Variants in DIP2C observed in about 807,000 individuals in gnomAD.
DIP2C encodes the protein disco-interacting protein 2 homolog C.
Under a neutral mutation model 192.4 loss-of-function variants are expected in DIP2C, and 33 were observed. The observed-to-expected ratio is 0.17, with a 90% CI of 0.13 to 0.23. DIP2C has a LOEUF of 0.23. Ranked by LOEUF, DIP2C falls within the 10% of genes least tolerant of loss-of-function variation. The probability of loss-of-function intolerance (pLI) is 1.00; values close to 1 mark genes in which losing one functional copy is unlikely to be tolerated. For missense variants in DIP2C, 1,537 were observed against 2,110.1 expected (o/e 0.73, Z 5.32); for synonymous variants, 979 against 864.1 (o/e 1.13, Z -2.33).
At chr10:286,789 G>A (rs1327817294) in intron 33 of DIP2C, among the ~76,000 whole-genome samples, 3 of 152,162 alleles carry the variant, frequency 2.0e-5, no homozygotes, top group African/African-American at 7.2e-5. Context: ...TCACATCATG[G>A]CACACACATG....
Position 348,588 on chromosome 10 carries a change from C to T in DIP2C, c.3231+53G>A, listed in dbSNP as rs1958634307. The stretch of plus-strand genomic sequence containing the variant: ...GATGTCAGAGTCTGCGCGTTGCAAG[C>T]TCCACACTCAGCTCCAGGCAGGTGG... On this transcript the variant is annotated intron_variant, in intron 26 of 36. Coordinates refer to ENST00000280886, the MANE Select transcript of DIP2C (RefSeq NM_014974.3). The T allele has an allele frequency of 3.1e-6, 5 of 1,592,024 alleles. No homozygotes were observed. The South Asian group carries it at 5.7e-5, about 18-fold the overall frequency.
intron 17 of DIP2C, among the ~76,000 whole-genome samples, chr10:376,704 C>T (rs933038589): frequency 1.3e-5 from 2 of 152,160 alleles, no homozygotes; most frequent in African/African-American, 2.4e-5. Flanking sequence ...AGAACATCTC[C>T]TCTGCTTTCT....
rs570310521 is a variant in DIP2C, at chr10:619,310, G to GA, written c.85+70183_85+70184insT. Among the ~76,000 whole-genome samples the GA allele has an allele frequency of 4.6e-4, 70 of 152,332 alleles. No homozygotes were observed. The East Asian group carries it at 0.011, about 25-fold the overall frequency. ...TTATTTTCTCACATTTCTGGAAACTGGAATCCAAAACAGGTCCCACCAGCT... is the reference window on the plus strand; with the variant it reads ...TTATTTTCTCACATTTCTGGAAACTGAGAATCCAAAACAGGTCCCACCAGCT... On this transcript the variant is annotated intron_variant, in intron 1 of 36. Transcript: ENST00000280886.
At chr10:407,752 C>T (rs921818294) in intron 9 of DIP2C, among the ~76,000 whole-genome samples, 6 of 151,996 alleles carry the variant, frequency 3.9e-5, no homozygotes, top group Admixed American at 3.3e-4. Context: ...AAGTCTCTGG[C>T]CCATTTAAAC....
chr10:641,296 T>C (rs1344066920), intron 1 of DIP2C, among the ~76,000 whole-genome samples: 1 of 152,134 alleles, frequency 6.6e-6, no homozygotes, highest in African/African-American at 2.4e-5. Flanking sequence ...ACGCCAGCCA[T>C]GCATCCAGGC....
At chr10:341,365 C>G (rs1958136267) in intron 28 of DIP2C, 36 bp from the exon 29 acceptor site, 2 of 1,611,780 alleles carry the variant, frequency 1.2e-6, no homozygotes, top group South Asian at 1.1e-5. Context: ...CGCATCGGAC[C>G]TGACACCCTC....
chr10:550,521 T>C (rs969266940), intron 1 of DIP2C, among the ~76,000 whole-genome samples: 1 of 152,192 alleles, frequency 6.6e-6, no homozygotes, highest in Non-Finnish European at 1.5e-5. Flanking sequence ...AGTTTTACTC[T>C]GTTTACTATA....
At position 481,668 on chromosome 10, in the gene DIP2C, T is replaced by TA. The variant is rs745586209; in HGVS notation, c.157+4790dup. On this transcript the variant is annotated intron_variant, in intron 2 of 36. Transcript: ENST00000280886. ...AATAAAAATAAAACTGCAGCCCAGA[T>TA]AGACACCTGAGGCAGTGGAAGGTCT... 2.6e-5 allele frequency among the ~76,000 whole-genome samples: 4 copies of TA among 152,242 alleles called. No individual in the cohort carries two copies. The South Asian group carries it at 8.3e-4, about 32-fold the overall frequency.
At chr10:496,572 T>C (rs1844853010) in intron 1 of DIP2C, among the ~76,000 whole-genome samples, 2 of 141,798 alleles carry the variant, frequency 1.4e-5, no homozygotes, top group African/African-American at 5.4e-5. Context: ...ACACAACACA[T>C]GGTGCCCTCC....
intron 1 of DIP2C, among the ~76,000 whole-genome samples, chr10:600,838 G>C (rs1448636741): frequency 1.3e-5 from 2 of 152,230 alleles, no homozygotes; most frequent in East Asian, 1.9e-4. Flanking sequence ...AACCATAAGA[G>C]AATCAGGTCT....
chr10:623,759 G>C (rs953542131), intron 1 of DIP2C, among the ~76,000 whole-genome samples: 2 of 150,030 alleles, frequency 1.3e-5, no homozygotes, highest in Non-Finnish European at 3.0e-5. Flanking sequence ...CCAAGGGGAA[G>C]AGGGGAGGGA....
At chr10:419,933 T>C (rs1966066672) in intron 5 of DIP2C, among the ~76,000 whole-genome samples, 1 of 152,142 alleles carries the variant, frequency 6.6e-6, no homozygotes, top group Admixed American at 6.5e-5. Context: ...AAAAGCATGC[T>C]TTTCTATTTA....
intron 1 of DIP2C, among the ~76,000 whole-genome samples, chr10:506,972 C>A (rs1564800127): frequency 6.7e-6 from 1 of 149,652 alleles, no homozygotes; most frequent in Non-Finnish European, 1.5e-5. Context: ...CTGTGCAAGA[C>A]GAGAGGCGTG....
chr10:493,478 C>A (rs1458364577), intron 1 of DIP2C, among the ~76,000 whole-genome samples: 30 of 152,114 alleles, frequency 2.0e-4, no homozygotes, highest in Admixed American at 2.0e-3. Context: ...AAGGTAGGGA[C>A]AATGAAGCCC....
At chr10:515,439 C>G (rs926872605) in intron 1 of DIP2C, among the ~76,000 whole-genome samples, 1 of 152,148 alleles carries the variant, frequency 6.6e-6, no homozygotes, top group Non-Finnish European at 1.5e-5. Context: ...ATGTCAGGAT[C>G]GGGCCGGGTG....
intron 1 of DIP2C, among the ~76,000 whole-genome samples, chr10:533,564 C>G (rs1261914514): frequency 6.6e-6 from 1 of 151,718 alleles, no homozygotes. Flanking sequence ...ATCTCAGGAC[C>G]CCAAAATTAC....
At position 578,858 on chromosome 10, in the gene DIP2C, G is replaced by A. The variant is rs143740726; in HGVS notation, c.86-92328C>T. Among the ~76,000 whole-genome samples the A allele has an allele frequency of 5.3e-5, 8 of 152,256 alleles. No homozygotes were observed. The East Asian group carries it at 5.8e-4, about 11-fold the overall frequency. ...CAGATCCATATAGTGTACGTACATA[G>A]GTACACTAACACACATGTACGTGCA... On this transcript the variant is annotated intron_variant, in intron 1 of 36. Transcript: ENST00000280886.
At chr10:600,802 T>A (rs1206894399) in intron 1 of DIP2C, among the ~76,000 whole-genome samples, 1 of 152,200 alleles carries the variant, frequency 6.6e-6, no homozygotes, top group Non-Finnish European at 1.5e-5. Context: ...TGGCACCAAG[T>A]AAGGGCAATT....
At chr10:584,733 C>T (rs571726287) in intron 1 of DIP2C, among the ~76,000 whole-genome samples, 23 of 115,148 alleles carry the variant, frequency 2.0e-4, no homozygotes, top group Non-Finnish European at 3.7e-4. Flanking sequence ...CCCACTCACG[C>T]GCATCACCTC....
Sources: gnomAD v4.1 joint callset for allele counts (sites outside exome capture counted in the v4.1 genomes callset) on GRCh38, gnomAD v4.1.1 for gene constraint, MANE v1.5 for transcripts, NCBI Gene and HGNC (gene_info 2026-07-23, HGNC 2026-07-21) for gene names.